RNF213: variants seen among roughly 807,000 people sequenced by gnomAD.
RNF213 encodes the protein ring finger protein 213, also known as E3 ubiquitin-protein ligase RNF213.
In RNF213, 341 loss-of-function variants were observed where a neutral mutation model predicts 514.4. The observed-to-expected ratio is 0.66, with a 90% CI of 0.61 to 0.73. RNF213 has a LOEUF of 0.73. RNF213 is among the 30% of genes least tolerant of loss of function. RNF213 has a pLI of 0.00. For missense variants in RNF213, 5,767 were observed against 6,615.6 expected, an observed-to-expected ratio of 0.87 and a Z score of 4.45; for synonymous variants, 2,655 against 2,658.2, an observed-to-expected ratio of 1.00 and a Z score of 0.04.
intron 1 of RNF213, among the ~76,000 whole-genome samples, 153 bp downstream of exon 1, chr17:80,261,055 C>T (rs541353456): frequency 2.4e-3 from 363 of 151,982 alleles, no homozygotes; most frequent in African/African-American, 7.9e-3. Flanking sequence ...TTCGGTTTCG[C>T]CGCCGGGGTG....
intron 29 of RNF213, among the ~76,000 whole-genome samples, chr17:80,349,366 G>A (rs539683180): frequency 2.0e-5 from 3 of 152,032 alleles, no homozygotes; most frequent in Non-Finnish European, 2.9e-5. Flanking sequence ...TTTGGGACAG[G>A]AGAATTGCTG....
chr17:80,351,677 TTAAA>T lies in RNF213; in HGVS notation c.10185-5_10185-2del, dbSNP rs1381177917. 5.0e-6 allele frequency: 7 copies of T among 1,388,204 alleles called. No individual in the cohort carries two copies. The highest frequency in any genetic ancestry group is 2.3e-5 in the East Asian group (1 of 43,870). The allele number at this position is 1,388,204 out of a possible 1,614,324, so 86.0% of individuals were successfully genotyped here. A position where few individuals can be genotyped will look rare whatever the true frequency, so the allele number is the denominator to read the frequency against. On this transcript the variant is annotated splice_region_variant and splice_polypyrimidine_tract_variant and intron_variant, in intron 31 of 67. Coordinates refer to ENST00000582970, the MANE Select transcript of RNF213 (RefSeq NM_001256071.3). ...AAAATAGGTATTCTTTTTTTTTTCT[TTAAA>T]TAGGTATTCTGTTATAAATGAAATC...
chr17:80,313,896 A>G (rs1490144658), intron 15 of RNF213, among the ~76,000 whole-genome samples: 1 of 40,718 alleles, frequency 2.5e-5, no homozygotes, highest in Non-Finnish European at 4.5e-5. Flanking sequence ...ACTGGAGGTG[A>G]TGGTGGTGGT....
Position 80,383,728 on chromosome 17 carries a change from C to T in RNF213, c.14122C>T (p.Arg4708Cys), listed in dbSNP as rs367968390. Residue 4708 changes from arginine to cysteine, a missense_variant, in exon 59 of 68, where the codon CGT becomes TGT. Arg to Cys is a radical substitution (Grantham distance 180). Around this residue, in one of 13 missense-constraint regions of RNF213, gnomAD observed 1,245 missense variants for 1,339.0 expected, o/e 0.93. Transcript: ENST00000582970. ...GAATAATCTCATCAGCCAAGATAAG[C>T]GTATCAGCTCTAACCCTGTGGCCAA... Reference protein sequence around the residue: ...TMNNLISQDKRISSNPVAKII... With the variant: ...TMNNLISQDKCISSNPVAKII... 4.5e-5 allele frequency: 72 copies of T among 1,613,886 alleles called. 1 individual carries two copies. Among genetic ancestry groups the T allele is most frequent in the South Asian group, 2.9e-4 (26 of 91,058 alleles).
rs7220243 is a variant in RNF213, at chr17:80,288,043, T to C, written c.490T>C (p.Ser164Pro). The change falls in exon 4 of 68, where the codon TCC becomes CCC. Residue 164 changes from serine (S) to proline (P), a missense_variant. Transcript: ENST00000582970. This position sits in a 1 kb window ranked among gnomAD's most constrained non-coding sequence, Gnocchi z 4.9. ...CACGCCACTGGAGGGTGACGGCCTC[T>C]CCGCGCCCACCGAGGTTGGCGACAG... ...ATTPLEGDGLSAPTEVGDSPL... is the reference protein window; with the variant it reads ...ATTPLEGDGLPAPTEVGDSPL... The C allele has an allele frequency of 3.7e-4, 589 of 1,602,614 alleles. 2 individuals are homozygous for C. In the African/African-American group the frequency reaches 7.3e-3, roughly 20 times the overall value.
In RNF213 at chr17:80,337,802, G is replaced by A. The variant is rs559662448; in HGVS notation, c.4669-31G>A. ...GCCAGTCCAGGTCTTCTGGCCCCAAGAAAGTGACTTCTAACCTATGCTCTT... is the reference window on the plus strand; with the variant it reads ...GCCAGTCCAGGTCTTCTGGCCCCAAAAAAGTGACTTCTAACCTATGCTCTT... On this transcript the variant is annotated intron_variant, in intron 24 of 67. Coordinates refer to ENST00000582970, the MANE Select transcript of RNF213 (RefSeq NM_001256071.3). 53 of 1,536,430 alleles carry A rather than the reference G, an allele frequency of 3.4e-5. 1 individual carries two copies. In the South Asian group the frequency reaches 5.6e-4, roughly 16 times the overall value.
At position 80,395,103 on chromosome 17, in the gene RNF213, T is replaced by A. The variant is rs1450963686; in HGVS notation, c.*1605T>A. 6.6e-6 allele frequency: 1 copy of A among 152,172 alleles called. No individual in the cohort carries two copies. The highest frequency in any genetic ancestry group is 1.5e-5 in the Non-Finnish European group (1 of 68,034). 9.4% of individuals were successfully genotyped at this position (152,172 alleles called of 1,614,324 possible). A position where few individuals can be genotyped will look rare whatever the true frequency, so the allele number is the denominator to read the frequency against. Reference sequence around the variant, plus strand: ...TCTCTTTCTGTGAAGGCTTTTTTTTTCCTTTGGCCTGGGAATTTTTCCCAT... The same window carrying A: ...TCTCTTTCTGTGAAGGCTTTTTTTTACCTTTGGCCTGGGAATTTTTCCCAT... On this transcript the variant is annotated 3_prime_UTR_variant, in exon 68 of 68. Coordinates refer to ENST00000582970, the MANE Select transcript of RNF213 (RefSeq NM_001256071.3).
At chr17:80,382,224 G>GCTAA (rs957450134) in intron 57 of RNF213, 6 of 158,066 alleles carry the variant, frequency 3.8e-5, no homozygotes, top group East Asian at 1.8e-4. Flanking sequence ...TATTCACTGA[G>GCTAA]CTAACTTTCT....
chr17:80,284,474 A>G (rs1271909313), intron 3 of RNF213, among the ~76,000 whole-genome samples: 2 of 151,986 alleles, frequency 1.3e-5, no homozygotes, highest in African/African-American at 4.8e-5. Flanking sequence ...AACCCGGGAA[A>G]CAGAGGTTGC....
At chr17:80,374,725 C>A in intron 50 of RNF213, 136 bp downstream of exon 50, 2 of 1,078,316 alleles carry the variant, frequency 1.9e-6, no homozygotes, top group Non-Finnish European at 1.4e-6. Context: ...TTGGAAGTCA[C>A]GTGCCCACAG....
intron 3 of RNF213, among the ~76,000 whole-genome samples, chr17:80,286,533 G>A (rs866658909): frequency 3.3e-5 from 5 of 152,020 alleles, no homozygotes; most frequent in Middle Eastern, 3.2e-3. Flanking sequence ...CACAGGGGCC[G>A]ACCGTCAGCC....
At position 80,368,086 on chromosome 17, in the gene RNF213, C is replaced by T. The variant is rs778482758; in HGVS notation, c.12098C>T (p.Pro4033Leu). ...AWFASEQMIC[P>L]YCLTALPDEF... ...TTTGCCTCAGAGCAGATGATATGCC[C>T]CTACTGTTTAACTGCCTTGCCAGAC... Residue 4033 changes from proline to leucine, a missense_variant, in exon 44 of 68, where the codon CCC becomes CTC. Pro to Leu is a moderately conservative substitution (Grantham distance 98). This residue lies in a region of RNF213 where 25 missense variants were observed against 53.1 expected (regional missense o/e 0.47). Transcript: ENST00000582970. The T allele has an allele frequency of 1.9e-6, 3 of 1,614,156 alleles. No individual in the cohort carries two copies. Among genetic ancestry groups the T allele is most frequent in the South Asian group, 1.1e-5 (1 of 91,090 alleles).
At chr17:80,309,941 A>T (rs1051110396) in intron 14 of RNF213, among the ~76,000 whole-genome samples, 3 of 151,898 alleles carry the variant, frequency 2.0e-5, no homozygotes, top group African/African-American at 7.3e-5. Flanking sequence ...TTTTTAGTAG[A>T]GATGGGGTTT....
At chr17:80,388,537 A>T (rs1212167730) in intron 63 of RNF213, 75 bp from the exon 64 acceptor site, 1 of 1,019,246 alleles carries the variant, frequency 9.8e-7, no homozygotes, top group African/African-American at 1.6e-5. Context: ...TTCCGGCTGC[A>T]GATTCTGTTT....
intron 56 of RNF213, chr17:80,381,289 G>C (rs951027227): frequency 3.4e-6 from 2 of 595,590 alleles, no homozygotes; most frequent in Non-Finnish European, 6.0e-6. Flanking sequence ...ATTGTAGCTA[G>C]GGAAGAAAGA....
intron 42 of RNF213, 123 bp downstream of exon 42, chr17:80,364,676 T>C: frequency 1.7e-6 from 2 of 1,200,816 alleles, no homozygotes; most frequent in Admixed American, 1.9e-5. Context: ...TGTCTAGACA[T>C]GCAAAGGAAG....
At chr17:80,328,107 G>C in intron 19 of RNF213, 118 bp downstream of exon 19, 1 of 1,255,898 alleles carries the variant, frequency 8.0e-7, no homozygotes, top group Non-Finnish European at 1.1e-6. Flanking sequence ...TTGATAATGA[G>C]TATCTCTTCT....
At chr17:80,281,528 C>CAT (rs201771673) in intron 3 of RNF213, among the ~76,000 whole-genome samples, 1 of 94,982 alleles carries the variant, frequency 1.1e-5, no homozygotes, top group Non-Finnish European at 2.4e-5. Flanking sequence ...CACACACATG[C>CAT]CCCACTCATA....
At chr17:80,349,671 C>T in intron 29 of RNF213, 99 bp from the exon 30 acceptor site, 2 of 1,338,232 alleles carry the variant, frequency 1.5e-6, no homozygotes, top group Non-Finnish European at 2.1e-6. Flanking sequence ...CTGCACCGCG[C>T]TGAACATCGC....
Sources: allele counts gnomAD v4.1 joint callset (sites outside exome capture counted in the v4.1 genomes callset), GRCh38; gene constraint gnomAD v4.1.1; regional missense constraint gnomAD v4.1.1; non-coding constraint Gnocchi (gnomAD v3.1); transcripts MANE v1.5; gene names NCBI Gene and HGNC (gene_info 2026-07-23, HGNC 2026-07-21).